NDEL1: variants seen among roughly 807,000 people sequenced by gnomAD.
The protein encoded by NDEL1 is nuclear distribution protein nudE-like 1.
A neutral mutation model predicts 45.7 loss-of-function variants in NDEL1; 9 were observed. The observed-to-expected ratio is 0.20, with a 90% CI of 0.12 to 0.34. The LOEUF (loss-of-function observed/expected upper bound fraction) is 0.34, where lower values mean the gene tolerates loss of function less well. Among genes scored for constraint, NDEL1 ranks in the 10% least tolerant of loss-of-function variants. The pLI, the probability that NDEL1 is intolerant of heterozygous loss-of-function variation, is 1.00. For synonymous variants in NDEL1, 133 were observed against 158.6 expected, an observed-to-expected ratio of 0.84 and a Z score of 1.21; for missense variants, 306 against 406.2, an observed-to-expected ratio of 0.75 and a Z score of 2.12.
chr17:8,446,047 G>A (rs899546536), intron 3 of NDEL1, 183 bp downstream of exon 3: 2 of 479,514 alleles, frequency 4.2e-6, no homozygotes, highest in Non-Finnish European at 6.7e-6. Flanking sequence ...TAGAGTTTAG[G>A]AGTTCACTTA....
chr17:8,446,944 G>A (rs1413800078), intron 4 of NDEL1, 42 bp downstream of exon 4: 4 of 1,587,078 alleles, frequency 2.5e-6, no homozygotes, highest in Non-Finnish European at 3.4e-6. Context: ...AACCACCTTG[G>A]TAATTAGTGA....
At chr17:8,472,901 C>T (rs1351124750), downstream of NDEL1, among the ~76,000 whole-genome samples, 1 of 152,182 alleles carries the variant, frequency 6.6e-6, no homozygotes, top group Non-Finnish European at 1.5e-5. Flanking sequence ...CCGGGAACCA[C>T]ACTGCTGCTG....
chr17:8,420,645 A>G (rs944306697), intron 1 of NDEL1, among the ~76,000 whole-genome samples: 8 of 152,264 alleles, frequency 5.3e-5, no homozygotes, highest in Non-Finnish European at 1.0e-4. Context: ...CAGATAAGTC[A>G]GATGTATGAA....
At chr17:8,459,880 C>T (rs1911087008) in intron 7 of NDEL1, 129 bp from the exon 8 acceptor site, 3 of 895,368 alleles carry the variant, frequency 3.4e-6, no homozygotes, top group East Asian at 5.0e-5. Context: ...TTGATTATGG[C>T]TGAACTAACC....
chr17:8,420,057 C>CAGAT (rs552639755), intron 1 of NDEL1, among the ~76,000 whole-genome samples: 37 of 152,316 alleles, frequency 2.4e-4, no homozygotes, highest in African/African-American at 7.7e-4. Flanking sequence ...TGTCCTTGGG[C>CAGAT]AGATGGCTCA....
downstream of NDEL1, among the ~76,000 whole-genome samples, chr17:8,471,651 C>T (rs372581753): frequency 6.6e-6 from 1 of 152,352 alleles, no homozygotes; most frequent in African/African-American, 2.4e-5. Context: ...ACACTTTCTG[C>T]CCAGCTTACA....
intron 5 of NDEL1, 76 bp downstream of exon 5, chr17:8,448,762 CT>C: frequency 7.2e-7 from 1 of 1,380,550 alleles, no homozygotes; most frequent in Non-Finnish European, 9.7e-7. Context: ...CACTTATACT[CT>C]GATTTTTTTT....
chr17:8,444,092 G>C, intron 1 of NDEL1, 168 bp from the exon 2 acceptor site: 1 of 540,618 alleles, frequency 1.8e-6, no homozygotes, highest in South Asian at 2.3e-5. Context: ...CCTGAGAGTG[G>C]AGCAGTGGAG....
In NDEL1 at chr17:8,467,435, G is replaced by A. The variant is rs117430541; in HGVS notation, c.*412G>A. On this transcript the variant is annotated 3_prime_UTR_variant, in exon 9 of 9. Coordinates refer to ENST00000334527, the MANE Select transcript of NDEL1 (RefSeq NM_030808.5). This position sits in a 1 kb window ranked among gnomAD's most constrained non-coding sequence, Gnocchi z 6.3. ...TCTCCCCCAAATCAGGTCAATGTGT[G>A]CCCTCCTGAGCTCCCACCCAGGCAT... The A allele has an allele frequency of 0.03, 12,058 of 396,702 alleles. 256 individuals carry two copies. The highest frequency in any genetic ancestry group is 0.041 in the Non-Finnish European group (9,261 of 225,192). The allele number at this position is 396,702 out of a possible 1,614,324, so 24.6% of individuals were successfully genotyped here.
Position 8,446,823 on chromosome 17 carries a change from A to G in NDEL1, c.310A>G (p.Thr104Ala), listed in dbSNP as rs773204830. The G allele has an allele frequency of 6.2e-7, 1 of 1,614,170 alleles. No homozygotes were observed. Among genetic ancestry groups the G allele is most frequent in the Non-Finnish European group, 8.5e-7 (1 of 1,180,042 alleles). ...AGTGTTAGAAGATGATTTAAGTCAG[A>G]CTCGGGCCATTAAGGAGCAGTTGCA... The part of the protein sequence containing the change: ...VSVLEDDLSQ[T>A]RAIKEQLHKY... Residue 104 changes from threonine (T) to alanine (A), a missense_variant, in exon 4 of 9, where the codon ACT (threonine) becomes GCT (alanine). Transcript: ENST00000334527.
intron 1 of NDEL1, among the ~76,000 whole-genome samples, chr17:8,414,003 T>C (rs1908485248): frequency 6.6e-6 from 1 of 152,248 alleles, no homozygotes; most frequent in African/African-American, 2.4e-5. Flanking sequence ...CATATAGACA[T>C]CTAGACTTTT....
chr17:8,451,832 G>GT (rs1400776049), intron 6 of NDEL1, among the ~76,000 whole-genome samples: 1 of 151,978 alleles, frequency 6.6e-6, no homozygotes, highest in Admixed American at 6.6e-5. Context: ...AAAATATAGG[G>GT]TTTTATCTTT....
intron 1 of NDEL1, among the ~76,000 whole-genome samples, chr17:8,424,949 G>A (rs990866205): frequency 1.3e-5 from 2 of 152,160 alleles, no homozygotes; most frequent in African/African-American, 2.4e-5. Flanking sequence ...TTATAGGCGT[G>A]AACCCCCATG....
intron 6 of NDEL1, among the ~76,000 whole-genome samples, chr17:8,452,904 T>C (rs1466942931): frequency 3.9e-5 from 6 of 152,000 alleles, no homozygotes; most frequent in Admixed American, 6.6e-5. Flanking sequence ...CACACCCAGC[T>C]AATTTTGTAT....
chr17:8,417,086 T>A (rs1000394339), intron 1 of NDEL1, among the ~76,000 whole-genome samples: 1 of 152,202 alleles, frequency 6.6e-6, no homozygotes, highest in Non-Finnish European at 1.5e-5. Context: ...CTATTGCTGC[T>A]GAATCTCTCT....
chr17:8,454,343 T>C (rs1910699918), intron 6 of NDEL1, among the ~76,000 whole-genome samples: 1 of 150,962 alleles, frequency 6.6e-6, no homozygotes, highest in Admixed American at 6.6e-5. Flanking sequence ...CTAGTTACTA[T>C]GGAAATAGAA....
intron 8 of NDEL1, among the ~76,000 whole-genome samples, chr17:8,464,047 AAT>A (rs1232274021): frequency 6.6e-6 from 1 of 152,116 alleles, no homozygotes; most frequent in Non-Finnish European, 1.5e-5. Context: ...TGACAGAGTT[AAT>A]GTTTCCATCC....
intron 1 of NDEL1, among the ~76,000 whole-genome samples, chr17:8,416,474 C>A (rs978930150): frequency 2.6e-5 from 4 of 152,052 alleles, no homozygotes; most frequent in African/African-American, 9.7e-5. Context: ...TGATTTTTTT[C>A]TCTGAATGTT....
intron 8 of NDEL1, chr17:8,463,406 T>C (rs777094760): frequency 1.5e-5 from 23 of 1,565,960 alleles, no homozygotes; most frequent in Non-Finnish European, 1.9e-5. Flanking sequence ...AATCCTGGTG[T>C]GTGGTGGAAG....
Sources: gnomAD v4.1 joint callset for allele counts (sites outside exome capture counted in the v4.1 genomes callset) on GRCh38, gnomAD v4.1.1 for gene constraint, Gnocchi (gnomAD v3.1) non-coding constraint, MANE v1.5 for transcripts, NCBI Gene and HGNC (gene_info 2026-07-23, HGNC 2026-07-21) for gene names.